Variants in LINGO2 observed in about 807,000 individuals in gnomAD.
LINGO2 encodes the protein leucine-rich repeat and immunoglobulin-like domain-containing nogo receptor-interacting protein 2.
A neutral mutation model predicts 30.6 loss-of-function variants in LINGO2; 14 were observed. That is an observed-to-expected ratio of 0.46 (90% CI 0.30 to 0.72). The LOEUF (loss-of-function observed/expected upper bound fraction) is 0.72, where lower values mean the gene tolerates loss of function less well. Among genes scored for constraint, LINGO2 ranks in the 30% least tolerant of loss-of-function variants. The pLI is 0.07. For missense variants in LINGO2, 729 were observed against 751.7 expected, an observed-to-expected ratio of 0.97 and a Z score of 0.35; for synonymous variants, 317 against 288.5, an observed-to-expected ratio of 1.10 and a Z score of -1.00.
intron 4 of LINGO2, among the ~76,000 whole-genome samples, chr9:28,242,537 T>G (rs1348664078): frequency 6.6e-6 from 1 of 152,070 alleles, no homozygotes; most frequent in Non-Finnish European, 1.5e-5. Flanking sequence ...GGATTCAAGT[T>G]GAAAAACACA....
At chr9:28,377,421 T>C (rs910366412) in intron 2 of LINGO2, among the ~76,000 whole-genome samples, 4 of 152,294 alleles carry the variant, frequency 2.6e-5, no homozygotes, top group South Asian at 4.1e-4. Flanking sequence ...ATACAATACA[T>C]ATAATATACA....
At chr9:29,154,813 G>A in the LINGO2 span, among the ~76,000 whole-genome samples, 4 of 152,172 alleles carry the variant, frequency 2.6e-5, no homozygotes, top group Non-Finnish European at 5.9e-5. Context: ...AAGAGGAGCA[G>A]AGGGGAAAGC....
the LINGO2 span, among the ~76,000 whole-genome samples, chr9:29,138,210 A>G: frequency 6.6e-6 from 1 of 152,114 alleles, no homozygotes; most frequent in Admixed American, 6.6e-5. Context: ...ATGTGGTAAT[A>G]GGTTTAATGT....
At chr9:28,460,076 A>G (rs1017878306) in intron 2 of LINGO2, among the ~76,000 whole-genome samples, 1 of 152,040 alleles carries the variant, frequency 6.6e-6, no homozygotes, top group Non-Finnish European at 1.5e-5. Context: ...TAATTTTTCC[A>G]ATCTGTAAAT....
chr9:28,009,310 C>A, intron 5 of LINGO2, among the ~76,000 whole-genome samples: 2 of 150,742 alleles, frequency 1.3e-5, no homozygotes, highest in Non-Finnish European at 1.5e-5. Context: ...TCTTCATGAT[C>A]CTGGGTTAGC....
the LINGO2 span, among the ~76,000 whole-genome samples, chr9:28,952,769 A>C: frequency 6.6e-6 from 1 of 152,178 alleles, no homozygotes; most frequent in Non-Finnish European, 1.5e-5. Flanking sequence ...GTCCCAGCAG[A>C]GATAAGTAGA....
At chr9:28,285,232 C>T (rs1823464142) in intron 4 of LINGO2, among the ~76,000 whole-genome samples, 1 of 151,984 alleles carries the variant, frequency 6.6e-6, no homozygotes, top group Non-Finnish European at 1.5e-5. Context: ...TCGTTATCAT[C>T]ATCATCATCA....
chr9:28,179,484 TA>T (rs1252632590), intron 4 of LINGO2, among the ~76,000 whole-genome samples: 95 of 137,864 alleles, frequency 6.9e-4, no homozygotes, highest in Middle Eastern at 0.011. Flanking sequence ...ATATAGTTTA[TA>T]GTATATATAC....
chr9:29,076,421 T>C, the LINGO2 span, among the ~76,000 whole-genome samples: 1 of 151,408 alleles, frequency 6.6e-6, no homozygotes. Context: ...TTACCAATAT[T>C]TAGGAAGCAA....
intron 1 of LINGO2, among the ~76,000 whole-genome samples, chr9:28,502,389 C>T (rs896306223): frequency 1.3e-5 from 2 of 151,986 alleles, no homozygotes; most frequent in Non-Finnish European, 2.9e-5. Flanking sequence ...CTGATTTCCA[C>T]AACTGATGAT....
chr9:29,051,916 T>C, the LINGO2 span, among the ~76,000 whole-genome samples: 1 of 152,182 alleles, frequency 6.6e-6, no homozygotes, highest in Non-Finnish European at 1.5e-5. Context: ...GGATTAAAAG[T>C]GTTCACCTTT....
the LINGO2 span, among the ~76,000 whole-genome samples, chr9:29,113,169 T>G: frequency 1.3e-5 from 2 of 152,198 alleles, no homozygotes; most frequent in Admixed American, 1.3e-4. Flanking sequence ...TTAAAATACT[T>G]GCACTAACTT....
chr9:29,069,228 T>C, the LINGO2 span, among the ~76,000 whole-genome samples: 1 of 151,976 alleles, frequency 6.6e-6, no homozygotes, highest in Non-Finnish European at 1.5e-5. Context: ...ATATGCATAA[T>C]TAGAAGTTAT....
intron 5 of LINGO2, among the ~76,000 whole-genome samples, chr9:27,960,342 A>C (rs1416910850): frequency 6.6e-6 from 1 of 152,214 alleles, no homozygotes; most frequent in Non-Finnish European, 1.5e-5. Flanking sequence ...CTTGAAGCCA[A>C]ATATTTCCTG....
At chr9:28,291,920 C>T in intron 4 of LINGO2, among the ~76,000 whole-genome samples, 1 of 152,034 alleles carries the variant, frequency 6.6e-6, no homozygotes, top group Middle Eastern at 3.2e-3. Flanking sequence ...TGCTAAAAAC[C>T]AGAGATAAAG....
At chr9:28,030,740 C>A (rs1330450920) in intron 4 of LINGO2, among the ~76,000 whole-genome samples, 1 of 152,166 alleles carries the variant, frequency 6.6e-6, no homozygotes, top group East Asian at 1.9e-4. Flanking sequence ...CATGTTGTAA[C>A]CCTACTATCA....
At chr9:28,818,448 A>G in the LINGO2 span, among the ~76,000 whole-genome samples, 2 of 152,078 alleles carry the variant, frequency 1.3e-5, no homozygotes. Flanking sequence ...GCAATGGTAC[A>G]ATCTAGGCTC....
At chr9:28,885,491 A>ATT in the LINGO2 span, among the ~76,000 whole-genome samples, 1 of 150,304 alleles carries the variant, frequency 6.7e-6, no homozygotes, top group Non-Finnish European at 1.5e-5. Flanking sequence ...ACACGTTTAT[A>ATT]TATATATATA....
At chr9:29,119,033 G>A in the LINGO2 span, among the ~76,000 whole-genome samples, 1 of 152,144 alleles carries the variant, frequency 6.6e-6, no homozygotes, top group South Asian at 2.1e-4. Flanking sequence ...CCTGATAACA[G>A]AGATACCATC....
Sources: gnomAD v4.1 joint callset for allele counts (sites outside exome capture counted in the v4.1 genomes callset) on GRCh38, gnomAD v4.1.1 for gene constraint, MANE v1.5 for transcripts, NCBI Gene and HGNC (gene_info 2026-07-23, HGNC 2026-07-21) for gene names.